Variants in NRG1 observed in about 807,000 individuals in gnomAD.
NRG1 encodes the protein neuregulin 1, also known as pro-neuregulin-1, membrane-bound isoform.
A neutral mutation model predicts 63.8 loss-of-function variants in NRG1; 18 were observed. The observed-to-expected ratio is 0.28, with a 90% confidence interval of 0.19 to 0.42. The LOEUF is 0.42. Ranked by LOEUF, NRG1 falls within the 10% of genes least tolerant of loss-of-function variation. NRG1 has a pLI of 1.00. For synonymous variants in NRG1, 302 were observed against 301.3 expected (o/e 1.00, Z -0.02); for missense variants, 762 against 814.7 (o/e 0.94, Z 0.79).
At chr8:32,680,510 T>G (rs911514251) in intron 5 of NRG1, among the ~76,000 whole-genome samples, 2 of 152,170 alleles carry the variant, frequency 1.3e-5, no homozygotes, top group African/African-American at 4.8e-5. Flanking sequence ...AGAACCTGAT[T>G]TCTGTGAACA....
chr8:31,864,689 T>C (rs1828793100), intron 1 of NRG1, among the ~76,000 whole-genome samples: 1 of 152,184 alleles, frequency 6.6e-6, no homozygotes, highest in South Asian at 2.1e-4. Flanking sequence ...CATTTAAAAA[T>C]GTTTAGTTAT....
At chr8:32,267,838 T>C (rs2129472170) in intron 1 of NRG1, among the ~76,000 whole-genome samples, 1 of 152,334 alleles carries the variant, frequency 6.6e-6, no homozygotes, top group African/African-American at 2.4e-5. Context: ...TCGTGCATTT[T>C]CCCATGGAAT....
At chr8:32,453,102 G>C (rs1821171508) in intron 1 of NRG1, among the ~76,000 whole-genome samples, 2 of 152,154 alleles carry the variant, frequency 1.3e-5, no homozygotes, top group Non-Finnish European at 1.5e-5. Context: ...ACCAGATTCT[G>C]AACCTGTAAC....
intron 1 of NRG1, among the ~76,000 whole-genome samples, chr8:32,506,432 A>C (rs1828538349): frequency 6.6e-6 from 1 of 152,168 alleles, no homozygotes; most frequent in Admixed American, 6.5e-5. Context: ...AGGCTGGCTC[A>C]AACAACAGGC....
intron 1 of NRG1, among the ~76,000 whole-genome samples, chr8:32,147,274 T>C (rs560923161): frequency 2.9e-4 from 44 of 152,304 alleles, no homozygotes; most frequent in African/African-American, 1.0e-3. Flanking sequence ...AAGTAGATAA[T>C]TGAATAAGTG....
chr8:32,743,059 T>C (rs1035845630), intron 7 of NRG1: 34 of 1,110,446 alleles, frequency 3.1e-5, no homozygotes, highest in Non-Finnish European at 3.8e-5. Context: ...AGTCTCACTT[T>C]TATTGATAAA....
At chr8:31,912,065 G>T (rs1389810449) in intron 1 of NRG1, among the ~76,000 whole-genome samples, 1 of 152,152 alleles carries the variant, frequency 6.6e-6, no homozygotes. Context: ...TAGACTTGTT[G>T]TGAGTGTTAA....
At chr8:32,431,056 T>G (rs1378013345) in intron 1 of NRG1, among the ~76,000 whole-genome samples, 1 of 152,098 alleles carries the variant, frequency 6.6e-6, no homozygotes, top group Non-Finnish European at 1.5e-5. Context: ...ATGAAGTGAA[T>G]ATTATCACAC....
intron 1 of NRG1, among the ~76,000 whole-genome samples, chr8:31,850,119 T>A (rs1178081615): frequency 6.6e-6 from 1 of 152,126 alleles, no homozygotes; most frequent in Non-Finnish European, 1.5e-5. Flanking sequence ...AGCAAGGGAA[T>A]CTTACTACTT....
At chr8:32,608,902 T>C (rs1273837619) in intron 3 of NRG1, among the ~76,000 whole-genome samples, 3 of 152,190 alleles carry the variant, frequency 2.0e-5, no homozygotes, top group African/African-American at 4.8e-5. Flanking sequence ...TGTATGATTG[T>C]TTCCTTGGTT....
At chr8:31,867,278 G>C (rs902813118) in intron 1 of NRG1, among the ~76,000 whole-genome samples, 2 of 152,182 alleles carry the variant, frequency 1.3e-5, no homozygotes, top group Non-Finnish European at 2.9e-5. Context: ...TAACCTTGGG[G>C]AAAGGTGACA....
At chr8:32,140,819 A>G (rs767463770) in intron 1 of NRG1, among the ~76,000 whole-genome samples, 2 of 151,732 alleles carry the variant, frequency 1.3e-5, no homozygotes, top group African/African-American at 2.4e-5. Context: ...CAGGGTGACA[A>G]CCTCCACCTC....
intron 1 of NRG1, among the ~76,000 whole-genome samples, chr8:31,910,811 A>T (rs1336522070): frequency 6.6e-6 from 1 of 152,222 alleles, no homozygotes; most frequent in Non-Finnish European, 1.5e-5. Flanking sequence ...GAAAGTCAGC[A>T]ATGTGAAGGG....
At chr8:32,012,151 G>T (rs1814859526) in intron 1 of NRG1, among the ~76,000 whole-genome samples, 1 of 152,046 alleles carries the variant, frequency 6.6e-6, no homozygotes, top group Admixed American at 6.6e-5. Flanking sequence ...ACCCCTCTTT[G>T]TGAGTTTCTT....
chr8:31,676,798 C>T (rs1475047990), intron 1 of NRG1, among the ~76,000 whole-genome samples: 1 of 152,182 alleles, frequency 6.6e-6, no homozygotes, highest in African/African-American at 2.4e-5. Flanking sequence ...AAATTACTTT[C>T]CTCTCTAGAC....
intron 1 of NRG1, among the ~76,000 whole-genome samples, chr8:32,375,110 GTA>G (rs1809446107): frequency 2.0e-5 from 3 of 152,092 alleles, no homozygotes; most frequent in Non-Finnish European, 4.4e-5. Flanking sequence ...AGCCTCCTGA[GTA>G]GCTGGGACTA....
chr8:31,828,707 C>A (rs1234361985), intron 1 of NRG1, among the ~76,000 whole-genome samples: 1 of 152,186 alleles, frequency 6.6e-6, no homozygotes, highest in African/African-American at 2.4e-5. Context: ...ATGATATTTT[C>A]AACTTACCCC....
At chr8:32,536,920 C>G (rs1197641506) in intron 1 of NRG1, among the ~76,000 whole-genome samples, 1 of 7,442 alleles carries the variant, frequency 1.3e-4, no homozygotes, top group South Asian at 7.0e-3. Flanking sequence ...AAGACTCCGT[C>G]TCAAAAAAAA....
intron 1 of NRG1, among the ~76,000 whole-genome samples, chr8:32,294,140 G>A (rs1040185582): frequency 3.3e-5 from 5 of 151,832 alleles, no homozygotes; most frequent in Admixed American, 6.6e-5. Context: ...GCCTGTCCAC[G>A]GAGGTCTCAT....
Sources: gnomAD v4.1 joint callset for allele counts (sites outside exome capture counted in the v4.1 genomes callset) on GRCh38, gnomAD v4.1.1 for gene constraint, MANE v1.5 for transcripts, NCBI Gene and HGNC (gene_info 2026-07-23, HGNC 2026-07-21) for gene names.